MTAP: variants seen among roughly 807,000 people sequenced by gnomAD.
The protein encoded by MTAP is S-methyl-5'-thioadenosine phosphorylase.
A neutral mutation model predicts 33.6 loss-of-function variants in MTAP; 33 were observed. That is an observed-to-expected ratio of 0.98 (90% CI 0.74 to 1.31). The LOEUF (loss-of-function observed/expected upper bound fraction) is 1.31, where lower values mean the gene tolerates loss of function less well. Ranked by LOEUF, MTAP falls within the 40% of genes most tolerant of loss-of-function variation. The pLI, the probability that MTAP is intolerant of heterozygous loss-of-function variation, is 0.00. For missense variants in MTAP, 367 were observed against 360.0 expected (o/e 1.02, Z -0.16); for synonymous variants, 148 against 125.7 (o/e 1.18, Z -1.19).
chr9:21,831,803 A>G (rs746238162), intron 4 of MTAP, among the ~76,000 whole-genome samples: 4 of 150,854 alleles, frequency 2.7e-5, no homozygotes, highest in Non-Finnish European at 4.4e-5. Flanking sequence ...TTTTTTTACA[A>G]TGAGAAAAAT....
At chr9:21,826,459 A>G (rs192989083) in intron 4 of MTAP, among the ~76,000 whole-genome samples, 178 of 151,776 alleles carry the variant, frequency 1.2e-3, no homozygotes, top group African/African-American at 4.1e-3. Context: ...TGTGTTTGCT[A>G]TAAACTGGAT....
intron 1 of MTAP, among the ~76,000 whole-genome samples, chr9:21,900,211 A>G (rs551074283): frequency 6.6e-6 from 1 of 152,360 alleles, no homozygotes; most frequent in East Asian, 1.9e-4. Context: ...TCTTCTGCAC[A>G]GCAAAAGAAA....
At chr9:21,818,308 ACTCG>A in intron 4 of MTAP, 106 bp downstream of exon 4, 21 of 406,232 alleles carry the variant, frequency 5.2e-5, no homozygotes, top group South Asian at 9.5e-5. Context: ...AGTGCCACAG[ACTCG>A]CTTGCTTTTT....
intron 1 of MTAP, among the ~76,000 whole-genome samples, chr9:21,805,739 G>A (rs1185664364): frequency 1.3e-5 from 2 of 152,190 alleles, no homozygotes; most frequent in South Asian, 4.1e-4. Flanking sequence ...CAAAACGTGG[G>A]CCTTCCTCAG....
chr9:21,859,413 C>T lies in MTAP; in HGVS notation c.801C>T (p.Leu267=), dbSNP rs753037232. 89 of 1,611,260 alleles carry T rather than the reference C, an allele frequency of 5.5e-5. No individual in the cohort carries two copies. Among genetic ancestry groups the T allele is most frequent in the Admixed American group, 2.2e-4 (13 of 59,390 alleles). The change falls in exon 7 of 8, where the codon CTC becomes CTT. Residue 267 remains leucine, a synonymous_variant. Transcript: ENST00000644715. ...QIGSTEWSET[L]HNLKNMAQFS... ...GGTCCACAGAATGGTCAGAAACCCT[C>T]CATAACCTGAAGGTAAGTGTCAGCC...
intron 1 of MTAP, among the ~76,000 whole-genome samples, chr9:21,809,358 G>A (rs1824286475): frequency 6.6e-6 from 1 of 152,134 alleles, no homozygotes; most frequent in African/African-American, 2.4e-5. Flanking sequence ...ATGGTCTAGG[G>A]GCCGGGCGCG....
intron 1 of MTAP, among the ~76,000 whole-genome samples, chr9:21,898,536 G>GA (rs1818336267): frequency 6.6e-6 from 1 of 152,078 alleles, no homozygotes; most frequent in Non-Finnish European, 1.5e-5. Flanking sequence ...AAATTTACAA[G>GA]AAAAAATCAA....
chr9:21,924,924 A>C (rs1263192530), intron 1 of MTAP, among the ~76,000 whole-genome samples: 1 of 152,256 alleles, frequency 6.6e-6, no homozygotes, highest in East Asian at 1.9e-4. Context: ...TAACATTTGA[A>C]CTCACTTGGA....
downstream of MTAP, chr9:21,934,275 G>A (rs192454256): frequency 1.7e-3 from 265 of 152,278 alleles, no homozygotes; most frequent in African/African-American, 6.0e-3. This position sits in a 1 kb window ranked among gnomAD's most constrained non-coding sequence, Gnocchi z 5.0. Context: ...TTACAGGAAC[G>A]TACTCCTAAA....
intron 1 of MTAP, among the ~76,000 whole-genome samples, chr9:21,901,079 C>T (rs1400952842): frequency 6.6e-6 from 1 of 152,166 alleles, no homozygotes; most frequent in Non-Finnish European, 1.5e-5. Context: ...ATGCTTATTA[C>T]CTGGGTGATG....
intron 1 of MTAP, among the ~76,000 whole-genome samples, chr9:21,883,981 A>G (rs1386914259): frequency 6.6e-6 from 1 of 152,150 alleles, no homozygotes; most frequent in Non-Finnish European, 1.5e-5. Context: ...GCAATATTGC[A>G]GAGTAATCTC....
At chr9:21,900,679 C>T (rs991189653) in intron 1 of MTAP, among the ~76,000 whole-genome samples, 6 of 152,122 alleles carry the variant, frequency 3.9e-5, no homozygotes, top group Non-Finnish European at 7.4e-5. Context: ...TATACCCAAA[C>T]GAATATAAAC....
intron 4 of MTAP, 73 bp downstream of exon 4, chr9:21,818,275 A>G: frequency 7.6e-7 from 1 of 1,311,322 alleles, no homozygotes. Flanking sequence ...ACGCGTGGGA[A>G]CCGGCAGGGC....
intron 1 of MTAP, among the ~76,000 whole-genome samples, chr9:21,808,025 T>G (rs1824250647): frequency 6.6e-6 from 1 of 152,220 alleles, no homozygotes; most frequent in South Asian, 2.1e-4. Context: ...AAGCGTGTCA[T>G]GCATTCATAT....
chr9:21,915,085 C>T (rs566695426), intron 1 of MTAP, among the ~76,000 whole-genome samples: 1,400 of 71,122 alleles, frequency 0.02, 135 homozygotes, highest in African/African-American at 0.13. Context: ...TCTTTCTTTC[C>T]TTTCTTTCTT....
At chr9:21,846,570 TA>T (rs1825388148) in intron 5 of MTAP, among the ~76,000 whole-genome samples, 1 of 152,136 alleles carries the variant, frequency 6.6e-6, no homozygotes. Flanking sequence ...GGCCATAATT[TA>T]AACATCAAAA....
rs1825837812 is a variant in MTAP, at chr9:21,865,421, A to G, written c.*3407A>G. ...CCAGTCATGGGCAGTCCTTTACAGC[A>G]GCATGAGAATGGACTAATACACTCC... is the stretch of plus-strand genomic sequence containing the variant. On this transcript the variant is annotated 3_prime_UTR_variant, in exon 8 of 8. Transcript: ENST00000644715. The G allele has an allele frequency of 1.0e-6, 1 of 981,692 alleles. No individual in the cohort carries two copies. The highest frequency in any genetic ancestry group is 1.7e-5 in the African/African-American group (1 of 57,188). The allele number at this position is 981,692 out of a possible 1,614,324, so 60.8% of individuals were successfully genotyped here.
rs1315748881 is a variant in MTAP at position 21,923,684 on chromosome 9, A to T, written c.148-7324A>T. Among the ~76,000 whole-genome samples the T allele has an allele frequency of 3.9e-5, 6 of 152,124 alleles. No individual in the cohort carries two copies. In the East Asian group the frequency reaches 1.2e-3, roughly 29 times the overall value. ...TTTCTCCATTCCTCTAATCACTTCCATACCCTCCTCAATGTGCTTAAGGAC... is the reference window on the plus strand; with the variant it reads ...TTTCTCCATTCCTCTAATCACTTCCTTACCCTCCTCAATGTGCTTAAGGAC... On this transcript the variant is annotated intron_variant, in intron 1 of 1. Coordinates refer to the MTAP transcript ENST00000577563.
At chr9:21,817,914 A>G in intron 3 of MTAP, 121 bp from the exon 4 acceptor site, 1 of 940,500 alleles carries the variant, frequency 1.1e-6, no homozygotes, top group South Asian at 2.0e-5. Flanking sequence ...GGGTTCTAGG[A>G]GACCCCCTGT....
Sources: allele counts gnomAD v4.1 joint callset (sites outside exome capture counted in the v4.1 genomes callset), GRCh38; gene constraint gnomAD v4.1.1; non-coding constraint Gnocchi (gnomAD v3.1); transcripts MANE v1.5; gene names NCBI Gene and HGNC (gene_info 2026-07-23, HGNC 2026-07-21).